The following TPGS1 variants were observed in gnomAD, a reference collection of about 807,000 sequenced individuals.
TPGS1 encodes the protein gene trap ROSA b-geo 22.
A neutral mutation model predicts 11.9 loss-of-function variants in TPGS1; 18 were observed. The observed-to-expected ratio is 1.51, with a 90% confidence interval of 1.04 to 2.24. The LOEUF (loss-of-function observed/expected upper bound fraction) is 2.24, where lower values mean the gene tolerates loss of function less well. TPGS1 is among the 30% of genes most tolerant of loss of function. The pLI, the probability that TPGS1 is intolerant of heterozygous loss-of-function variation, is 0.00. For synonymous variants in TPGS1, 247 were observed against 218.2 expected (o/e 1.13, Z -1.16); for missense variants, 500 against 443.0 (o/e 1.13, Z -1.16).
rs1186102524 is a variant in TPGS1, at chr19:507,841, A to G, written c.335A>G (p.Gln112Arg). 3.0e-6 allele frequency: 4 copies of G among 1,331,212 alleles called. No homozygotes were observed. The South Asian group carries it at 7.6e-5, about 25-fold the overall frequency. 82.5% of individuals were successfully genotyped at this position (1,331,212 alleles called of 1,614,324 possible). The change falls in exon 1 of 2, where the codon CAG becomes CGG. Residue 112 changes from glutamine (Q) to arginine (R), a missense_variant. Gln to Arg is a conservative substitution (Grantham distance 43, BLOSUM62 1). Coordinates refer to ENST00000359315, the MANE Select transcript of TPGS1 (RefSeq NM_033513.3). ...LWHLRLAHHSQRAAFNNNVSV... is the reference protein window; with the variant it reads ...LWHLRLAHHSRRAAFNNNVSV... The stretch of plus-strand genomic sequence containing the variant: ...CACCTTCGCCTGGCCCACCACTCCC[A>G]GAGGTGCGCAGTGGGCCGGCTTGGG...
chr19:519,173 C>A lies in TPGS1; in HGVS notation c.623C>A (p.Ser208Ter). The change falls in exon 2 of 2, where the codon TCG (serine) becomes TAG (stop). Residue 208 changes from serine to a stop codon, truncating the protein, a stop_gained. Transcript: ENST00000359315. LOFTEE classifies it high-confidence loss of function. ...AGALFQLLED[S>*]AAAVADRRVG... is the part of the protein sequence containing the mutation. ...GCGCTCTTCCAGCTGCTGGAGGACT[C>A]GGCCGCCGCCGTGGCCGACCGCCGC... The A allele has an allele frequency of 6.7e-7, 1 of 1,495,288 alleles. No individual in the cohort carries two copies. 92.6% of individuals were successfully genotyped at this position (1,495,288 alleles called of 1,614,324 possible). A position where few individuals can be genotyped will look rare whatever the true frequency, so the allele number is the denominator to read the frequency against.
intron 1 of TPGS1, chr19:509,978 A>C (rs552880977): frequency 6.6e-6 from 1 of 152,370 alleles, no homozygotes; most frequent in African/African-American, 2.4e-5. Flanking sequence ...TTCTGTGCTC[A>C]TGGAGCCAGG....
chr19:511,114 G>A (rs975341723), intron 1 of TPGS1, among the ~76,000 whole-genome samples: 5 of 152,228 alleles, frequency 3.3e-5, no homozygotes, highest in Admixed American at 1.3e-4. Context: ...CGACACAGAC[G>A]GAGCCCTGGC....
chr19:510,352 G>T (rs988768971), intron 1 of TPGS1: 1 of 151,680 alleles, frequency 6.6e-6, no homozygotes, highest in Non-Finnish European at 1.5e-5. Flanking sequence ...CAGCCTGGGC[G>T]ACAGAGCGAG....
Position 507,809 on chromosome 19 carries a change from G to C in TPGS1, c.303G>C (p.Ala101=). 2 of 1,363,980 alleles carry C rather than the reference G, an allele frequency of 1.5e-6. No individual in the cohort carries two copies. Among genetic ancestry groups the C allele is most frequent in the South Asian group, 1.7e-5 (1 of 59,102 alleles). The allele number at this position is 1,363,980 out of a possible 1,614,324, so 84.5% of individuals were successfully genotyped here. A position where few individuals can be genotyped will look rare whatever the true frequency, so the allele number is the denominator to read the frequency against. ...LLLQQQRLGR[A]LWHLRLAHHS... is the part of the protein sequence containing the mutation. Reference sequence around the variant, plus strand: ...TGCAGCAGCAGCGCCTGGGCCGCGCGCTATGGCACCTTCGCCTGGCCCACC... The same window carrying C: ...TGCAGCAGCAGCGCCTGGGCCGCGCCCTATGGCACCTTCGCCTGGCCCACC... Residue 101 remains alanine (A), a synonymous_variant, in exon 1 of 2, where the codon GCG becomes GCC. Coordinates refer to ENST00000359315, the MANE Select transcript of TPGS1 (RefSeq NM_033513.3).
intron 1 of TPGS1, among the ~76,000 whole-genome samples, chr19:513,094 C>T (rs1187865759): frequency 1.3e-5 from 2 of 152,168 alleles, no homozygotes; most frequent in African/African-American, 4.8e-5. Context: ...GGTTTTGGGC[C>T]TCTAGGTTTG....
chr19:517,087 C>T (rs546312557), intron 1 of TPGS1, among the ~76,000 whole-genome samples: 10 of 152,106 alleles, frequency 6.6e-5, no homozygotes, highest in South Asian at 6.2e-4. Context: ...ATAACCAAGA[C>T]GAACTTCCGG....
intron 1 of TPGS1, among the ~76,000 whole-genome samples, chr19:512,823 AG>A (rs1457170767): frequency 6.6e-6 from 1 of 152,232 alleles, no homozygotes; most frequent in African/African-American, 2.4e-5. Flanking sequence ...CGGGTCACGA[AG>A]GACATCGTGG....
chr19:516,441 G>A (rs1035453657), intron 1 of TPGS1, among the ~76,000 whole-genome samples: 1 of 150,456 alleles, frequency 6.6e-6, no homozygotes, highest in Non-Finnish European at 1.5e-5. Context: ...CTGGAGTGCA[G>A]TGGCGCCATC....
Position 519,393 on chromosome 19 carries a change from C to G in TPGS1, c.843C>G (p.Leu281=), listed in dbSNP as rs1338095070. The change falls in exon 2 of 2, where the codon CTC becomes CTG. Residue 281 remains leucine (L), a synonymous_variant. Transcript: ENST00000359315. ...REEFLERAAA[L]FIAKVKPVG Reference sequence around the variant, plus strand: ...AGTTTCTGGAGAGGGCCGCCGCGCTCTTCATCGCGAAGGTCAAGCCGGTGG... The same window carrying G: ...AGTTTCTGGAGAGGGCCGCCGCGCTGTTCATCGCGAAGGTCAAGCCGGTGG... The G allele has an allele frequency of 8.1e-7, 1 of 1,228,080 alleles. No homozygotes were observed. Among genetic ancestry groups the G allele is most frequent in the African/African-American group, 1.6e-5 (1 of 63,342 alleles). 76.1% of individuals were successfully genotyped at this position (1,228,080 alleles called of 1,614,324 possible). A position where few individuals can be genotyped will look rare whatever the true frequency, so the allele number is the denominator to read the frequency against.
intron 1 of TPGS1, among the ~76,000 whole-genome samples, chr19:516,730 T>G (rs143423902): frequency 6.6e-6 from 1 of 152,148 alleles, no homozygotes; most frequent in African/African-American, 2.4e-5. Context: ...CCTAAACTTA[T>G]CGGTTTTGTG....
Position 519,118 on chromosome 19 carries a change from G to A in TPGS1, c.568G>A (p.Val190Met). 1.3e-6 allele frequency: 2 copies of A among 1,528,672 alleles called. No individual in the cohort carries two copies. The highest frequency in any genetic ancestry group is 2.0e-5 in the Admixed American group (1 of 50,804). 94.7% of individuals were successfully genotyped at this position (1,528,672 alleles called of 1,614,324 possible). The stretch of plus-strand genomic sequence containing the variant: ...CCGCGCGGGCACACTCACCTGCTTC[G>A]TGCTGCTGGAGTTCGTGGCGCGCGC... Reference protein sequence around the residue: ...VFRAGTLTCFVLLEFVARAGA... With the variant: ...VFRAGTLTCFMLLEFVARAGA... The change falls in exon 2 of 2, where the codon GTG (valine) becomes ATG (methionine). Residue 190 changes from valine (V) to methionine (M), a missense_variant. Transcript: ENST00000359315.
chr19:509,514 A>G (rs1978723745), intron 1 of TPGS1: 1 of 152,348 alleles, frequency 6.6e-6, no homozygotes, highest in Admixed American at 6.5e-5. Context: ...GAGTGTCAGG[A>G]GGACCACACT....
At chr19:508,572 G>A (rs1373538993) in intron 1 of TPGS1, 2 of 152,384 alleles carry the variant, frequency 1.3e-5, no homozygotes, top group African/African-American at 4.8e-5. Context: ...TTGTTGGGGG[G>A]GGGGTCCCCA....
chr19:513,889 C>A (rs527957186), intron 1 of TPGS1, among the ~76,000 whole-genome samples: 1 of 151,846 alleles, frequency 6.6e-6, no homozygotes, highest in African/African-American at 2.4e-5. Context: ...ACCCACTGCA[C>A]ACAACCCCAG....
In TPGS1 at chr19:519,308, C is replaced by A. The variant is rs980512975; in HGVS notation, c.758C>A (p.Ala253Glu). 9.3e-6 allele frequency: 11 copies of A among 1,187,240 alleles called. No individual in the cohort carries two copies. In the African/African-American group the frequency reaches 1.6e-4, roughly 17 times the overall value. 73.5% of individuals were successfully genotyped at this position (1,187,240 alleles called of 1,614,324 possible). A position where few individuals can be genotyped will look rare whatever the true frequency, so the allele number is the denominator to read the frequency against. Reference protein sequence around the residue: ...AGSRLGPDSLALALDRAVGGR... With the variant: ...AGSRLGPDSLELALDRAVGGR... ...TCGCGCTTGGGGCCCGACAGCCTGG[C>A]GCTGGCGCTGGACCGCGCCGTCGGG... Residue 253 changes from alanine (A) to glutamate (E), a missense_variant, in exon 2 of 2, where the codon GCG (alanine) becomes GAG (glutamate). Ala to Glu is a moderately radical substitution (Grantham distance 107). Coordinates refer to ENST00000359315, the MANE Select transcript of TPGS1 (RefSeq NM_033513.3).
rs377667411 is a variant in TPGS1 at position 518,968 on chromosome 19, G to C, written c.418G>C (p.Gly140Arg). ...GCGCAGGAAGAGGCCGGGGCTGGAC[G>C]GGCGCACCTACAGCGAGCTGCTCAG... is the stretch of plus-strand genomic sequence containing the variant. ...GGRRKRPGLD[G>R]RTYSELLRRI... Residue 140 changes from glycine to arginine, a missense_variant, in exon 2 of 2, where the codon GGG becomes CGG. By Grantham distance (125) the Gly-to-Arg change is moderately radical. Transcript: ENST00000359315. 1 of 1,587,236 alleles carries C rather than the reference G, an allele frequency of 6.3e-7. No individual in the cohort carries two copies. The highest frequency in any genetic ancestry group is 8.5e-7 in the Non-Finnish European group (1 of 1,174,082).
intron 1 of TPGS1, among the ~76,000 whole-genome samples, chr19:515,900 C>T (rs553288829): frequency 1.3e-5 from 2 of 151,864 alleles, no homozygotes; most frequent in Admixed American, 6.6e-5. Flanking sequence ...GGCATAGTGG[C>T]GGACGCCTGT....
rs527728846 is a variant in TPGS1, at chr19:516,462, G to A, written c.339-2427G>A. 7.3e-5 allele frequency among the ~76,000 whole-genome samples: 11 copies of A among 150,270 alleles called. No individual in the cohort carries two copies. In the South Asian group the frequency reaches 8.4e-4, roughly 11 times the overall value. On this transcript the variant is annotated intron_variant, in intron 1 of 1. Coordinates refer to ENST00000359315, the MANE Select transcript of TPGS1 (RefSeq NM_033513.3). ...TGCAGTGGCGCCATCTTGGCTCACCGCAACCTCCACCTCCCAGGTTCAAGC... is the reference window on the plus strand; with the variant it reads ...TGCAGTGGCGCCATCTTGGCTCACCACAACCTCCACCTCCCAGGTTCAAGC...
Sources: gnomAD v4.1 joint callset for allele counts (sites outside exome capture counted in the v4.1 genomes callset) on GRCh38, gnomAD v4.1.1 for gene constraint, MANE v1.5 for transcripts, NCBI Gene and HGNC (gene_info 2026-07-23, HGNC 2026-07-21) for gene names.